The following LARGE1 variants were observed in gnomAD, a reference collection of about 807,000 sequenced individuals.
The protein encoded by LARGE1 is LARGE xylosyl- and glucuronyltransferase 1.
A neutral mutation model predicts 87.6 loss-of-function variants in LARGE1; 43 were observed. The observed-to-expected ratio is 0.49, with a 90% CI of 0.38 to 0.63. The LOEUF (loss-of-function observed/expected upper bound fraction) is 0.63. Among genes scored for constraint, LARGE1 ranks in the 30% least tolerant of loss-of-function variants. The pLI is 0.00. For missense variants in LARGE1, 802 were observed against 1,000.2 expected (o/e 0.80, Z 2.67); for synonymous variants, 434 against 394.6 (o/e 1.10, Z -1.18).
intron 6 of LARGE1, among the ~76,000 whole-genome samples, chr22:33,495,646 G>A (rs1039532938): frequency 3.3e-5 from 5 of 151,566 alleles, no homozygotes; most frequent in Admixed American, 3.3e-4. Context: ...TTGAACCTGG[G>A]AGGCGGAGGT....
intron 2 of LARGE1, among the ~76,000 whole-genome samples, chr22:33,707,537 C>T (rs1342030962): frequency 6.6e-6 from 1 of 152,222 alleles, no homozygotes; most frequent in African/African-American, 2.4e-5. Context: ...GCATCATGCT[C>T]CCTCCTTTCT....
intron 11 of LARGE1, among the ~76,000 whole-genome samples, chr22:33,307,862 A>G (rs1463790689): frequency 6.6e-6 from 1 of 151,200 alleles, no homozygotes; most frequent in Middle Eastern, 3.2e-3. Context: ...TCTACCTCCT[A>G]GGTTCTCTCC....
At position 33,769,571 on chromosome 22, in the gene LARGE1, T is replaced by C. The variant is rs539286565; in HGVS notation, c.-82-8013A>G. Among the ~76,000 whole-genome samples, 5 of 152,228 alleles carry C rather than the reference T, an allele frequency of 3.3e-5. No individual in the cohort carries two copies. In the East Asian group the frequency reaches 9.6e-4, roughly 29 times the overall value. Reference sequence around the variant, plus strand: ...TTCATTATCATACAAACTACTCCAATCACACGATACCCCTCAGCCCACCCT... The same window carrying C: ...TTCATTATCATACAAACTACTCCAACCACACGATACCCCTCAGCCCACCCT... On this transcript the variant is annotated intron_variant, in intron 1 of 14. Transcript: ENST00000397394.
In LARGE1 at chr22:33,870,213, G is replaced by C. The variant is rs147425086; in HGVS notation, c.-83+49782C>G. Among the ~76,000 whole-genome samples the C allele has an allele frequency of 1.7e-3, 257 of 152,312 alleles. 1 individual carries two copies. Among genetic ancestry groups the C allele is most frequent in the African/African-American group, 6.1e-3 (252 of 41,570 alleles). The stretch of plus-strand genomic sequence containing the variant: ...CTTAGAGGGACGCATCTACCAGCCA[G>C]AGTGCCAAAGAGAAGCTAGGCAGAG... On this transcript the variant is annotated intron_variant, in intron 1 of 14. Transcript: ENST00000397394.
At chr22:33,305,644 G>A (rs761467496) in intron 11 of LARGE1, 100 of 968,958 alleles carry the variant, frequency 1.0e-4, no homozygotes, top group Non-Finnish European at 1.2e-4. Context: ...AAGGAAATGG[G>A]CACACCTATC....
intron 2 of LARGE1, among the ~76,000 whole-genome samples, chr22:33,660,447 T>C (rs948872336): frequency 6.6e-6 from 1 of 152,202 alleles, no homozygotes; most frequent in Non-Finnish European, 1.5e-5. Flanking sequence ...CCGCAAATCC[T>C]GACAATTGAT....
In LARGE1 at chr22:33,649,869, T is replaced by C. The variant is rs2080738758; in HGVS notation, c.408+498A>G. Among the ~76,000 whole-genome samples the C allele has an allele frequency of 2.0e-5, 3 of 152,224 alleles. No homozygotes were observed. The South Asian group carries it at 6.2e-4, about 32-fold the overall frequency. ...ATACCCTAAAAGGGGAGAAGTGATATTAGGCTATAAAAGTTCAAATTACTT... is the reference window on the plus strand; with the variant it reads ...ATACCCTAAAAGGGGAGAAGTGATACTAGGCTATAAAAGTTCAAATTACTT... On this transcript the variant is annotated intron_variant, in intron 3 of 14. Coordinates refer to ENST00000397394, the MANE Select transcript of LARGE1 (RefSeq NM_133642.5).
intron 12 of LARGE1, among the ~76,000 whole-genome samples, chr22:33,289,915 C>T (rs937487347): frequency 2.0e-5 from 3 of 152,076 alleles, no homozygotes; most frequent in Non-Finnish European, 4.4e-5. Context: ...TTGCTCCAAT[C>T]TGGCAAAACT....
At chr22:33,805,064 A>G (rs1359040265) in intron 1 of LARGE1, among the ~76,000 whole-genome samples, 2 of 152,218 alleles carry the variant, frequency 1.3e-5, no homozygotes, top group African/African-American at 2.4e-5. Flanking sequence ...CAGTTAGAAT[A>G]TATGGACAGC....
At chr22:33,484,909 T>G (rs1207498550) in intron 6 of LARGE1, among the ~76,000 whole-genome samples, 1 of 147,596 alleles carries the variant, frequency 6.8e-6, no homozygotes, top group African/African-American at 2.6e-5. Context: ...AATAATGAGG[T>G]GGTTTTTTTT....
chr22:33,328,673 G>A (rs1937454306), intron 10 of LARGE1, among the ~76,000 whole-genome samples: 1 of 151,918 alleles, frequency 6.6e-6, no homozygotes, highest in Admixed American at 6.6e-5. Flanking sequence ...TAGTGAAAGA[G>A]TAAGAAAACC....
At chr22:33,680,949 T>C (rs892022261) in intron 2 of LARGE1, among the ~76,000 whole-genome samples, 2 of 152,240 alleles carry the variant, frequency 1.3e-5, no homozygotes, top group South Asian at 4.1e-4. Context: ...TAATACCCTC[T>C]GCAATCATCC....
intron 3 of LARGE1, among the ~76,000 whole-genome samples, chr22:33,627,887 G>A (rs1366634468): frequency 6.6e-6 from 1 of 152,138 alleles, no homozygotes; most frequent in African/African-American, 2.4e-5. Flanking sequence ...AGGACTCAGA[G>A]CCTCACATCA....
chr22:33,666,174 C>T (rs749791447), intron 2 of LARGE1, among the ~76,000 whole-genome samples: 5 of 152,170 alleles, frequency 3.3e-5, no homozygotes, highest in Non-Finnish European at 4.4e-5. Context: ...AAGTAAGGAA[C>T]TTGGTGCAGA....
Position 33,650,474 on chromosome 22 carries a change from T to G in LARGE1, c.301A>C (p.Thr101Pro). ...CCAGTGCCCTCCTCCATGGAGTAGG[T>G]CTTGGAGTGGTTGCCTCGGCGATGG... ...PSHRRGNHSKTYSMEEGTGDS... is the reference protein window; with the variant it reads ...PSHRRGNHSKPYSMEEGTGDS... Residue 101 changes from threonine (T) to proline (P), a missense_variant, in exon 3 of 15, where the codon ACC becomes CCC. Physicochemically the swap from Thr to Pro is conservative, Grantham distance 38 (BLOSUM62 -1). Coordinates refer to ENST00000397394, the MANE Select transcript of LARGE1 (RefSeq NM_133642.5). 1 of 1,613,964 alleles carries G rather than the reference T, an allele frequency of 6.2e-7. No individual in the cohort carries two copies. Among genetic ancestry groups the G allele is most frequent in the Non-Finnish European group, 8.5e-7 (1 of 1,180,016 alleles).
chr22:33,300,881 G>C (rs1396215805), intron 12 of LARGE1, among the ~76,000 whole-genome samples: 1 of 152,082 alleles, frequency 6.6e-6, no homozygotes. Context: ...TCACTATATT[G>C]CTCAGGCTGG....
At chr22:33,751,500 AAAAC>A (rs1288982483) in intron 2 of LARGE1, among the ~76,000 whole-genome samples, 2 of 151,908 alleles carry the variant, frequency 1.3e-5, no homozygotes, top group Non-Finnish European at 1.5e-5. Context: ...AAAAAAAACA[AAAAC>A]AAACAAACAA....
At chr22:33,708,277 A>G (rs947057059) in intron 2 of LARGE1, among the ~76,000 whole-genome samples, 10 of 152,036 alleles carry the variant, frequency 6.6e-5, no homozygotes, top group Non-Finnish European at 1.5e-4. Flanking sequence ...GAGAAAAGAA[A>G]AATCTAAGGG....
intron 6 of LARGE1, among the ~76,000 whole-genome samples, chr22:33,449,997 C>T (rs1046905515): frequency 1.3e-5 from 2 of 152,018 alleles, no homozygotes; most frequent in South Asian, 2.1e-4. Context: ...CTGCAACCTC[C>T]GCCTCTTGGG....
Sources: allele counts gnomAD v4.1 joint callset (sites outside exome capture counted in the v4.1 genomes callset), GRCh38; gene constraint gnomAD v4.1.1; transcripts MANE v1.5; gene names NCBI Gene and HGNC (gene_info 2026-07-23, HGNC 2026-07-21).